The following FAM13A variants were observed in gnomAD, a reference collection of about 807,000 sequenced individuals.
FAM13A encodes the protein family with sequence similarity 13 member A, also known as protein FAM13A.
Under a neutral mutation model 129.6 loss-of-function variants are expected in FAM13A, and 76 were observed. The ratio of observed to expected loss-of-function variants is 0.59; its 90% CI spans 0.49 to 0.71. The LOEUF is 0.71. Ranked by LOEUF, FAM13A falls within the 30% of genes least tolerant of loss-of-function variation. The pLI, the probability that FAM13A is intolerant of heterozygous loss-of-function variation, is 0.00. For missense variants in FAM13A, 1,108 were observed against 1,249.3 expected, an observed-to-expected ratio of 0.89 and a Z score of 1.70; for synonymous variants, 443 against 449.9, an observed-to-expected ratio of 0.98 and a Z score of 0.20.
rs192300480 is a variant in FAM13A at position 88,896,947 on chromosome 4, G to T, written c.843+9432C>A. Among the ~76,000 whole-genome samples, 883 of 152,276 alleles carry T rather than the reference G, an allele frequency of 5.8e-3. 6 individuals are homozygous for T. Among genetic ancestry groups the T allele is most frequent in the Middle Eastern group, 0.017 (5 of 294 alleles). The stretch of plus-strand genomic sequence containing the variant: ...ATCCTCATACAATGACCTACCTTGA[G>T]TTTTTTGGTAAGGTTAAGAATGCAG... On this transcript the variant is annotated intron_variant, in intron 6 of 23. Transcript: ENST00000264344.
At chr4:88,964,784 C>T (rs1469864540) in intron 4 of FAM13A, among the ~76,000 whole-genome samples, 2 of 151,906 alleles carry the variant, frequency 1.3e-5, no homozygotes, top group Non-Finnish European at 2.9e-5. Context: ...CGCACCACTG[C>T]ACCCAACTAA....
At chr4:88,954,459 G>A (rs1356138725) in intron 4 of FAM13A, among the ~76,000 whole-genome samples, 1 of 152,180 alleles carries the variant, frequency 6.6e-6, no homozygotes, top group Admixed American at 6.5e-5. Context: ...TCTAAGATGC[G>A]TAAACCAGAT....
chr4:89,023,434 T>G (rs1033607544), intron 2 of FAM13A, among the ~76,000 whole-genome samples: 7 of 148,052 alleles, frequency 4.7e-5, no homozygotes, highest in African/African-American at 1.8e-4. Flanking sequence ...ATGATGTTGT[T>G]TTTTTTTTTT....
chr4:89,000,465 A>C (rs1764110702), intron 3 of FAM13A, among the ~76,000 whole-genome samples: 1 of 152,198 alleles, frequency 6.6e-6, no homozygotes. Flanking sequence ...ATGTCCATAG[A>C]AGCAAATGTT....
chr4:88,747,016 C>T lies in FAM13A; in HGVS notation c.2383-1G>A. The T allele has an allele frequency of 6.3e-7, 1 of 1,594,258 alleles. No individual in the cohort carries two copies. Among genetic ancestry groups the T allele is most frequent in the Non-Finnish European group, 8.6e-7 (1 of 1,161,978 alleles). On this transcript the variant is annotated splice_acceptor_variant, in intron 18 of 23. Transcript: ENST00000264344. LOFTEE classifies it high-confidence loss of function. ...TAGCAATCTGGTCTTTGGTCATATC[C>T]TGTATAAACACAGGGATAGAGAATT...
At chr4:88,790,565 A>C in intron 9 of FAM13A, 21 bp downstream of exon 9, 1 of 1,602,458 alleles carries the variant, frequency 6.2e-7, no homozygotes, top group Non-Finnish European at 8.5e-7. Context: ...AAAGCCCAAA[A>C]ACCCAACCCA....
chr4:88,859,430 G>T (rs940585077), intron 6 of FAM13A, among the ~76,000 whole-genome samples: 1 of 152,108 alleles, frequency 6.6e-6, no homozygotes, highest in African/African-American at 2.4e-5. Flanking sequence ...GAAGAAGGAA[G>T]AACACTGTGG....
intron 4 of FAM13A, among the ~76,000 whole-genome samples, chr4:88,962,824 A>G (rs914013143): frequency 1.1e-4 from 16 of 152,174 alleles, no homozygotes; most frequent in Non-Finnish European, 2.1e-4. Flanking sequence ...AATTAGGTAA[A>G]TTCCAAAACA....
chr4:88,917,790 G>T (rs139164074), intron 5 of FAM13A, among the ~76,000 whole-genome samples: 1 of 152,168 alleles, frequency 6.6e-6, no homozygotes, highest in African/African-American at 2.4e-5. Context: ...TTTGGAGGAA[G>T]ATGTATTTTT....
chr4:88,938,221 C>T lies in FAM13A; in HGVS notation c.626G>A (p.Gly209Asp). The change falls in exon 5 of 24, where the codon GGC becomes GAC. Residue 209 changes from glycine to aspartate, a missense_variant. Gly to Asp is a moderately conservative substitution (Grantham distance 94). Transcript: ENST00000264344. ...NCFHVPPGLE[G>D]MKEQDLCNKI... ...GTTGCACAGGTCCTGTTCCTTCATG[C>T]CTTCAAGCCCAGGTGGCACACTAGA... is the stretch of plus-strand genomic sequence containing the variant. 6.2e-7 allele frequency: 1 copy of T among 1,608,536 alleles called. No homozygotes were observed. Among genetic ancestry groups the T allele is most frequent in the East Asian group, 2.2e-5 (1 of 44,830 alleles).
intron 6 of FAM13A, among the ~76,000 whole-genome samples, chr4:88,889,383 T>C (rs1458196291): frequency 1.3e-5 from 2 of 152,292 alleles, no homozygotes; most frequent in African/African-American, 2.4e-5. Flanking sequence ...GGAGTACTCA[T>C]GTATTATCAG....
chr4:88,885,148 A>C (rs374271853), intron 6 of FAM13A, among the ~76,000 whole-genome samples: 8 of 152,292 alleles, frequency 5.3e-5, no homozygotes, highest in East Asian at 1.9e-4. Context: ...ACCAGAAAAA[A>C]AAATCTGAAA....
chr4:88,760,896 C>T (rs1161009666), intron 13 of FAM13A, among the ~76,000 whole-genome samples: 2 of 151,978 alleles, frequency 1.3e-5, no homozygotes, highest in African/African-American at 2.4e-5. Context: ...ATGCATACAG[C>T]AAATAAGCAT....
At chr4:89,007,595 A>C (rs1002994258) in intron 3 of FAM13A, among the ~76,000 whole-genome samples, 1 of 152,232 alleles carries the variant, frequency 6.6e-6, no homozygotes, top group African/African-American at 2.4e-5. Flanking sequence ...ACTGTGAGAG[A>C]AGATACATGT....
chr4:88,757,480 T>G (rs999765036), intron 14 of FAM13A, among the ~76,000 whole-genome samples: 34 of 152,062 alleles, frequency 2.2e-4, no homozygotes, highest in Middle Eastern at 3.2e-3. Flanking sequence ...ATATATGAAT[T>G]AAAAACTAAC....
chr4:88,796,444 A>AT (rs1726196179), intron 8 of FAM13A, among the ~76,000 whole-genome samples: 1 of 152,050 alleles, frequency 6.6e-6, no homozygotes, highest in Admixed American at 6.6e-5. Flanking sequence ...AAAATTTCAC[A>AT]TATGTATATA....
At chr4:89,036,706 G>C (rs1488383500) in intron 1 of FAM13A, among the ~76,000 whole-genome samples, 1 of 152,144 alleles carries the variant, frequency 6.6e-6, no homozygotes, top group Non-Finnish European at 1.5e-5. Flanking sequence ...GGAGGCCTAG[G>C]AGGGAAGAAT....
At chr4:88,964,406 A>T (rs1225950192) in intron 4 of FAM13A, among the ~76,000 whole-genome samples, 1 of 152,102 alleles carries the variant, frequency 6.6e-6, no homozygotes, top group African/African-American at 2.4e-5. Flanking sequence ...TTTTGGAGGT[A>T]GTCTGTTGTT....
At chr4:88,729,070 T>G (rs2924356) in intron 23 of FAM13A, 837 of 68,682 alleles carry the variant, frequency 0.012, 12 homozygotes, top group African/African-American at 0.059. Context: ...TTTTTTTTTT[T>G]TTTTTTTTTT....
Sources: gnomAD v4.1 joint callset for allele counts (sites outside exome capture counted in the v4.1 genomes callset) on GRCh38, gnomAD v4.1.1 for gene constraint, MANE v1.5 for transcripts, NCBI Gene and HGNC (gene_info 2026-07-23, HGNC 2026-07-21) for gene names.